The following ATE1 variants were observed in gnomAD, a reference collection of about 807,000 sequenced individuals.
The protein encoded by ATE1 is arginyl-tRNA--protein transferase 1.
ATE1 carries 36 observed loss-of-function variants against 70.5 expected under a neutral mutation model. The ratio of observed to expected loss-of-function variants is 0.51; its 90% CI spans 0.39 to 0.67. The LOEUF is 0.67. ATE1 is among the 30% of genes least tolerant of loss of function. ATE1 has a pLI of 0.00. For missense variants in ATE1, 593 were observed against 629.5 expected (o/e 0.94, Z 0.62); for synonymous variants, 232 against 219.3 (o/e 1.06, Z -0.51).
intron 10 of ATE1, among the ~76,000 whole-genome samples, chr10:121,817,376 GAC>G (rs1401377489): frequency 1.3e-5 from 2 of 152,026 alleles, no homozygotes; most frequent in African/African-American, 4.8e-5. Flanking sequence ...AAAATACACA[GAC>G]ACACAAAAAA....
intron 10 of ATE1, among the ~76,000 whole-genome samples, chr10:121,836,077 T>C (rs1423271249): frequency 6.6e-6 from 1 of 152,154 alleles, no homozygotes; most frequent in Non-Finnish European, 1.5e-5. Flanking sequence ...TCATCAGCAC[T>C]TGCCCTTCCA....
At chr10:121,918,164 C>G (rs1951733505) in intron 3 of ATE1, among the ~76,000 whole-genome samples, 1 of 152,122 alleles carries the variant, frequency 6.6e-6, no homozygotes, top group Non-Finnish European at 1.5e-5. Flanking sequence ...GAAACCCCGT[C>G]TCTACTAAAA....
At chr10:121,821,363 T>G (rs1397487879) in intron 10 of ATE1, among the ~76,000 whole-genome samples, 1 of 152,116 alleles carries the variant, frequency 6.6e-6, no homozygotes, top group African/African-American at 2.4e-5. Flanking sequence ...TTTCTGCTCA[T>G]CAAAAGATAC....
intron 11 of ATE1, among the ~76,000 whole-genome samples, chr10:121,781,630 G>A (rs753802269): frequency 3.1e-4 from 47 of 152,154 alleles, no homozygotes; most frequent in Non-Finnish European, 4.0e-4. Context: ...AACCTGAATG[G>A]AAGGCCGTGT....
At chr10:121,850,172 A>G (rs1470808754) in intron 8 of ATE1, among the ~76,000 whole-genome samples, 2 of 152,272 alleles carry the variant, frequency 1.3e-5, no homozygotes, top group Admixed American at 6.5e-5. Flanking sequence ...TATTCCATGC[A>G]GCAATTAACA....
At chr10:121,809,757 G>T (rs183578882) in intron 10 of ATE1, among the ~76,000 whole-genome samples, 1 of 152,164 alleles carries the variant, frequency 6.6e-6, no homozygotes, top group South Asian at 2.1e-4. Flanking sequence ...GTTATGCAAT[G>T]AGGTGGAAGA....
At chr10:121,824,076 A>G (rs1947910272) in intron 10 of ATE1, among the ~76,000 whole-genome samples, 1 of 152,212 alleles carries the variant, frequency 6.6e-6, no homozygotes, top group Admixed American at 6.5e-5. Flanking sequence ...GTTCTAAATA[A>G]GAATTTGTGA....
intron 10 of ATE1, among the ~76,000 whole-genome samples, chr10:121,813,909 CT>C (rs1947427312): frequency 1.3e-5 from 2 of 152,196 alleles, no homozygotes; most frequent in Non-Finnish European, 2.9e-5. Context: ...ATAAACGTGG[CT>C]GTGTACAAAA....
At chr10:121,901,512 A>C (rs2420968) in intron 6 of ATE1, among the ~76,000 whole-genome samples, 16,070 of 151,974 alleles carry the variant, frequency 0.11, 2,685 homozygotes, top group African/African-American at 0.35. Flanking sequence ...GCTGGAGTGC[A>C]GTGGTGTGAT....
intron 8 of ATE1, among the ~76,000 whole-genome samples, chr10:121,857,787 C>T (rs1435886264): frequency 9.2e-5 from 14 of 152,130 alleles, no homozygotes; most frequent in African/African-American, 3.4e-4. Flanking sequence ...ACAATCCATC[C>T]ATAATTTTTT....
chr10:121,819,871 C>T (rs982743759), intron 10 of ATE1, among the ~76,000 whole-genome samples: 6 of 151,774 alleles, frequency 4.0e-5, no homozygotes, highest in South Asian at 2.1e-4. Context: ...ACAGGCCGGG[C>T]GTGGTGGCTC....
At chr10:121,764,182 C>T (rs1218385128) in intron 11 of ATE1, among the ~76,000 whole-genome samples, 1 of 141,170 alleles carries the variant, frequency 7.1e-6, no homozygotes, top group Non-Finnish European at 1.5e-5. Context: ...CTGCTCAATT[C>T]TTCTGTGAAC....
chr10:121,742,495 T>C lies in ATE1; in HGVS notation c.*1185A>G, dbSNP rs1222392826. ...AGAGGGCACAAGAAAATAACCCTCCTGTTTTTCATCCTGTTTCCCAGACAG... is the reference window on the plus strand; with the variant it reads ...AGAGGGCACAAGAAAATAACCCTCCCGTTTTTCATCCTGTTTCCCAGACAG... On this transcript the variant is annotated 3_prime_UTR_variant, in exon 12 of 12. Coordinates refer to ENST00000224652, the MANE Select transcript of ATE1 (RefSeq NM_001001976.3). 6.6e-6 allele frequency: 1 copy of C among 152,220 alleles called. No homozygotes were observed. The highest frequency in any genetic ancestry group is 1.5e-5 in the Non-Finnish European group (1 of 68,050). 9.4% of individuals were successfully genotyped at this position (152,220 alleles called of 1,614,324 possible).
intron 10 of ATE1, among the ~76,000 whole-genome samples, chr10:121,791,220 A>G (rs1178016547): frequency 6.6e-6 from 1 of 151,494 alleles, no homozygotes; most frequent in African/African-American, 2.4e-5. Context: ...CAGCCTCCCA[A>G]GTAGCTGGGG....
chr10:121,832,664 T>C (rs921778651), intron 10 of ATE1, among the ~76,000 whole-genome samples: 5 of 152,236 alleles, frequency 3.3e-5, no homozygotes, highest in Non-Finnish European at 7.3e-5. Flanking sequence ...ACCTCCCCAC[T>C]ATGATTCTGA....
intron 10 of ATE1, among the ~76,000 whole-genome samples, chr10:121,817,310 G>A (rs976834898): frequency 6.6e-6 from 1 of 152,120 alleles, no homozygotes; most frequent in Non-Finnish European, 1.5e-5. Context: ...GGAGGCCAAG[G>A]CGGGCGGATC....
At chr10:121,850,569 T>C (rs1358399284) in intron 8 of ATE1, among the ~76,000 whole-genome samples, 2 of 152,210 alleles carry the variant, frequency 1.3e-5, no homozygotes, top group Non-Finnish European at 2.9e-5. Flanking sequence ...TTGAGGACCC[T>C]CTGAAAGGGC....
intron 7 of ATE1, among the ~76,000 whole-genome samples, chr10:121,872,449 C>A (rs1949894200): frequency 6.6e-6 from 1 of 152,160 alleles, no homozygotes; most frequent in African/African-American, 2.4e-5. Flanking sequence ...CACTCCTATT[C>A]CCACGACATG....
intron 8 of ATE1, among the ~76,000 whole-genome samples, chr10:121,846,418 C>T (rs539704728): frequency 6.6e-5 from 10 of 152,104 alleles, no homozygotes; most frequent in African/African-American, 2.2e-4. Flanking sequence ...AGCATAACTC[C>T]CTACTACTTA....
Sources: allele counts gnomAD v4.1 joint callset (sites outside exome capture counted in the v4.1 genomes callset), GRCh38; gene constraint gnomAD v4.1.1; transcripts MANE v1.5; gene names NCBI Gene and HGNC (gene_info 2026-07-23, HGNC 2026-07-21).